Variants in HDGFL2 observed in about 807,000 individuals in gnomAD.
HDGFL2 encodes the protein HDGF like 2, also known as hepatoma-derived growth factor-related protein 2.
Under a neutral mutation model 77.1 loss-of-function variants are expected in HDGFL2, and 36 were observed. The observed-to-expected ratio is 0.47, with a 90% CI of 0.36 to 0.62. The LOEUF (loss-of-function observed/expected upper bound fraction) is 0.62, where lower values mean the gene tolerates loss of function less well. Ranked by LOEUF, HDGFL2 falls within the 20% of genes least tolerant of loss-of-function variation. The probability of loss-of-function intolerance (pLI) is 0.00; values close to 1 mark genes in which losing one functional copy is unlikely to be tolerated. For missense variants in HDGFL2, 976 were observed against 973.4 expected (o/e 1.00, Z -0.04); for synonymous variants, 463 against 413.1 (o/e 1.12, Z -1.46).
chr19:4,492,936 G>A (rs1417587708), intron 6 of HDGFL2, among the ~76,000 whole-genome samples: 3 of 127,228 alleles, frequency 2.4e-5, no homozygotes, highest in Non-Finnish European at 1.7e-5. Flanking sequence ...CTGTGTGTGT[G>A]GTGTGTGTGT....
intron 15 of HDGFL2, 56 bp from the exon 16 acceptor site, chr19:4,501,855 A>C: frequency 2.3e-6 from 3 of 1,307,000 alleles, no homozygotes; most frequent in African/African-American, 1.5e-5. Context: ...CAACCGCCCT[A>C]CAGGCAGGGC....
chr19:4,497,738 A>G, intron 10 of HDGFL2: 1 of 555,216 alleles, frequency 1.8e-6, no homozygotes, highest in Non-Finnish European at 3.2e-6. Context: ...GAACTCGGGA[A>G]AAGGCTTGTA....
Position 4,484,966 on chromosome 19 carries a change from C to T in HDGFL2, c.289-3710C>T, listed in dbSNP as rs552933686. 5.9e-5 allele frequency among the ~76,000 whole-genome samples: 9 copies of T among 151,454 alleles called. No homozygotes were observed. In the East Asian group the frequency reaches 1.2e-3, roughly 20 times the overall value. ...GATTACAGGCATGAGCCACCGTGCC[C>T]GGCCAATTTTTTGTATTTTTTAGTA... is the stretch of plus-strand genomic sequence containing the variant. On this transcript the variant is annotated intron_variant, in intron 3 of 15. Coordinates refer to ENST00000616600, the MANE Select transcript of HDGFL2 (RefSeq NM_001001520.3).
At position 4,472,376 on chromosome 19, in the gene HDGFL2, A is replaced by T; in HGVS notation, c.26A>T (p.Asp9Val). MPHAFKPG[D>V]LVFAKMKGYP... ...ATGCCACACGCCTTCAAGCCCGGGG[A>T]CTTGGTGTTCGCTAAGATGAAGGGC... The change falls in exon 1 of 16, where the codon GAC becomes GTC. Residue 9 changes from aspartate to valine, a missense_variant. Transcript: ENST00000616600. 6 of 1,426,682 alleles carry T rather than the reference A, an allele frequency of 4.2e-6. No individual in the cohort carries two copies. The highest frequency in any genetic ancestry group is 5.6e-6 in the Non-Finnish European group (6 of 1,077,822). 88.4% of individuals were successfully genotyped at this position (1,426,682 alleles called of 1,614,324 possible). A position where few individuals can be genotyped will look rare whatever the true frequency, so the allele number is the denominator to read the frequency against.
In HDGFL2 at chr19:4,472,303, T is replaced by C. The variant is rs558852949; in HGVS notation, c.-48T>C. ...CCGCCGCCGCCGCCGCCGCAGCCGC[T>C]ACCGCCGCTGCAGCCGCTTTCCGCG... On this transcript the variant is annotated 5_prime_UTR_variant, in exon 1 of 16. Coordinates refer to ENST00000616600, the MANE Select transcript of HDGFL2 (RefSeq NM_001001520.3). 4.1e-4 allele frequency: 563 copies of C among 1,386,876 alleles called. No individual in the cohort carries two copies. The highest frequency in any genetic ancestry group is 3.4e-3 in the Middle Eastern group (14 of 4,122). The allele number at this position is 1,386,876 out of a possible 1,614,324, so 85.9% of individuals were successfully genotyped here. A position where few individuals can be genotyped will look rare whatever the true frequency, so the allele number is the denominator to read the frequency against.
chr19:4,501,141 G>A (rs768733950), intron 14 of HDGFL2, 50 bp from the exon 15 acceptor site: 2 of 1,609,650 alleles, frequency 1.2e-6, no homozygotes, highest in Admixed American at 1.7e-5. Context: ...GGGTTCTGGG[G>A]TGCCCAGCTG....
At chr19:4,476,689 C>T (rs956696349) in intron 3 of HDGFL2, among the ~76,000 whole-genome samples, 1 of 150,542 alleles carries the variant, frequency 6.6e-6, no homozygotes, top group Non-Finnish European at 1.5e-5. Context: ...CAGATGACAT[C>T]TCATTGGCAA....
In HDGFL2 at chr19:4,472,371, C is replaced by T. The variant is rs201635559; in HGVS notation, c.21C>T (p.Pro7=). Residue 7 remains proline, a synonymous_variant, in exon 1 of 16, where the codon CCC becomes CCT. Coordinates refer to ENST00000616600, the MANE Select transcript of HDGFL2 (RefSeq NM_001001520.3). Reference sequence around the variant, plus strand: ...TCAGCATGCCACACGCCTTCAAGCCCGGGGACTTGGTGTTCGCTAAGATGA... The same window carrying T: ...TCAGCATGCCACACGCCTTCAAGCCTGGGGACTTGGTGTTCGCTAAGATGA... MPHAFK[P]GDLVFAKMKG... The T allele has an allele frequency of 4.9e-4, 705 of 1,428,884 alleles. 3 individuals carry two copies. The African/African-American group carries it at 9.6e-3, about 20-fold the overall frequency. 88.5% of individuals were successfully genotyped at this position (1,428,884 alleles called of 1,614,324 possible). A position where few individuals can be genotyped will look rare whatever the true frequency, so the allele number is the denominator to read the frequency against.
rs1468737100 is a variant in HDGFL2 at position 4,475,430 on chromosome 19, G to C, written c.150-15G>C. ...CCTCACTCACCTGGGACTGGCCCCC[G>C]TTTCCCTTCTCCAGAGCCTTCCTGG... is the stretch of plus-strand genomic sequence containing the variant. On this transcript the variant is annotated splice_polypyrimidine_tract_variant and intron_variant, in intron 2 of 15. Coordinates refer to ENST00000616600, the MANE Select transcript of HDGFL2 (RefSeq NM_001001520.3). 1 of 1,613,606 alleles carries C rather than the reference G, an allele frequency of 6.2e-7. No individual in the cohort carries two copies. The highest frequency in any genetic ancestry group is 1.3e-5 in the African/African-American group (1 of 74,820).
At chr19:4,501,842 AC>A in intron 15 of HDGFL2, 68 bp from the exon 16 acceptor site, 1 of 1,229,592 alleles carries the variant, frequency 8.1e-7, no homozygotes, top group South Asian at 1.8e-5. Flanking sequence ...TGCCCATCCC[AC>A]CCAACCGCCC....
Position 4,501,531 on chromosome 19 carries a change from C to T in HDGFL2, c.1916+214C>T. ...AGAGAGGCAGCTCCAGGGCTTTGAGCTGCCTGCCCCTGGCCTCCTGGGAAG... is the reference window on the plus strand; with the variant it reads ...AGAGAGGCAGCTCCAGGGCTTTGAGTTGCCTGCCCCTGGCCTCCTGGGAAG... On this transcript the variant is annotated intron_variant, in intron 15 of 15. Transcript: ENST00000616600. The T allele has an allele frequency of 5.6e-6, 3 of 536,072 alleles. No homozygotes were observed. The East Asian group carries it at 1.1e-4, about 19-fold the overall frequency. 33.2% of individuals were successfully genotyped at this position (536,072 alleles called of 1,614,324 possible).
intron 10 of HDGFL2, chr19:4,497,487 G>A (rs1055230389): frequency 1.6e-5 from 5 of 303,470 alleles, no homozygotes; most frequent in African/African-American, 6.7e-5. Flanking sequence ...GTGAGCCACC[G>A]TGCTTGGTCC....
chr19:4,483,244 A>G (rs919272565), intron 3 of HDGFL2, among the ~76,000 whole-genome samples: 2 of 152,120 alleles, frequency 1.3e-5, no homozygotes, highest in African/African-American at 4.8e-5. Flanking sequence ...GTGACGCTTC[A>G]CCACACCCGG....
rs1331332257 is a variant in HDGFL2 at position 4,499,485 on chromosome 19, G to T, written c.1576-6G>T. The T allele has an allele frequency of 1.2e-6, 2 of 1,611,682 alleles. No homozygotes were observed. The highest frequency in any genetic ancestry group is 2.7e-5 in the African/African-American group (2 of 74,900). On this transcript the variant is annotated splice_polypyrimidine_tract_variant and splice_region_variant and intron_variant, in intron 13 of 15. Coordinates refer to ENST00000616600, the MANE Select transcript of HDGFL2 (RefSeq NM_001001520.3). ...GGTGAGCCAGGCCTCTTCTCTTGGT[G>T]GCCAGATTCGCCGTTACAAAGCGAA... is the stretch of plus-strand genomic sequence containing the variant.
chr19:4,489,824 G>A (rs1047693226), intron 4 of HDGFL2, among the ~76,000 whole-genome samples: 4 of 152,114 alleles, frequency 2.6e-5, no homozygotes, highest in Non-Finnish European at 5.9e-5. Context: ...GTGTGTTCAC[G>A]GAATTGTGCA....
rs57169858 is a variant in HDGFL2 at position 4,472,450 on chromosome 19, T to TGG, written c.72+44_72+45dup. On this transcript the variant is annotated intron_variant, in intron 1 of 15. Coordinates refer to ENST00000616600, the MANE Select transcript of HDGFL2 (RefSeq NM_001001520.3). ...GAGGCCGCGCGGGAGATGGGGCCGGTGGGGGGGGGGGGGGGGGCAGCGGGG... is the reference window on the plus strand; with the variant it reads ...GAGGCCGCGCGGGAGATGGGGCCGGTGGGGGGGGGGGGGGGGGGGCAGCGGGG... The TGG allele has an allele frequency of 2.2e-3, 626 of 282,656 alleles. 3 individuals carry two copies. The highest frequency in any genetic ancestry group is 3.6e-3 in the African/African-American group (80 of 21,978). The allele number at this position is 282,656 out of a possible 1,614,324, so 17.5% of individuals were successfully genotyped here. A position where few individuals can be genotyped will look rare whatever the true frequency, so the allele number is the denominator to read the frequency against.
chr19:4,494,330 G>A lies in HDGFL2; in HGVS notation c.1079G>A (p.Gly360Glu), dbSNP rs1210148204. ...CGGAGGCGCGAGCGGGCCGACCGCG[G>A]GGAGGCTGAGCGGGGCAGCGGCGGC... ...KERRRERADR[G>E]EAERGSGGSS... The change falls in exon 9 of 16, where the codon GGG (glycine) becomes GAG (glutamate). Residue 360 changes from glycine to glutamate, a missense_variant. Gly to Glu is a moderately conservative substitution (Grantham distance 98). This residue lies in a region of HDGFL2 where 567 missense variants were observed against 534.7 expected (regional missense o/e 1.06). Coordinates refer to ENST00000616600, the MANE Select transcript of HDGFL2 (RefSeq NM_001001520.3). 1.7e-5 allele frequency: 24 copies of A among 1,419,538 alleles called. No individual in the cohort carries two copies. Among genetic ancestry groups the A allele is most frequent in the Non-Finnish European group, 2.1e-5 (23 of 1,090,664 alleles). 87.9% of individuals were successfully genotyped at this position (1,419,538 alleles called of 1,614,324 possible). A position where few individuals can be genotyped will look rare whatever the true frequency, so the allele number is the denominator to read the frequency against.
chr19:4,498,161 G>T, intron 11 of HDGFL2, 130 bp downstream of exon 11: 1 of 1,142,672 alleles, frequency 8.8e-7, no homozygotes, highest in African/African-American at 1.5e-5. Flanking sequence ...GGCCTGGCCG[G>T]CGGTGCCTCC....
chr19:4,492,799 G>C (rs972829631), intron 6 of HDGFL2, among the ~76,000 whole-genome samples: 1 of 126,774 alleles, frequency 7.9e-6, no homozygotes, highest in African/African-American at 3.2e-5. Context: ...GTGTGTTTCT[G>C]GTCTGTGTGT....
Sources: allele counts gnomAD v4.1 joint callset (sites outside exome capture counted in the v4.1 genomes callset), GRCh38; gene constraint gnomAD v4.1.1; regional missense constraint gnomAD v4.1.1; transcripts MANE v1.5; gene names NCBI Gene and HGNC (gene_info 2026-07-23, HGNC 2026-07-21).